DHX32: variants seen among roughly 807,000 people sequenced by gnomAD.
The protein encoded by DHX32 is DEAH-box helicase 32 (putative), also known as putative pre-mRNA-splicing factor ATP-dependent RNA helicase DHX32.
Under a neutral mutation model 70.0 loss-of-function variants are expected in DHX32, and 51 were observed. The ratio of observed to expected loss-of-function variants is 0.73; its 90% CI spans 0.58 to 0.92. DHX32 has a LOEUF of 0.92. Among genes scored for constraint, DHX32 ranks in the 40% least tolerant of loss-of-function variants. DHX32 has a pLI of 0.00. For synonymous variants in DHX32, 310 were observed against 315.3 expected (o/e 0.98, Z 0.18); for missense variants, 762 against 891.8 (o/e 0.85, Z 1.85).
chr10:125,836,701 ATC>A lies in DHX32; in HGVS notation c.2216_2217del (p.Arg739MetfsTer19). The A allele has an allele frequency of 6.2e-7, 1 of 1,614,078 alleles. No individual in the cohort carries two copies. The highest frequency in any genetic ancestry group is 1.6e-4 in the Middle Eastern group (1 of 6,062). ...MCETCPETEQ[R>X]CTLQ Reference sequence around the variant, plus strand: ...TTGCTGGGGAGTCACTGGAGAGTGCATCTCTGTTCAGTTTCAGGGCACGTCTC... The same window carrying A: ...TTGCTGGGGAGTCACTGGAGAGTGCATCTGTTCAGTTTCAGGGCACGTCTC... On this transcript the variant is annotated frameshift_variant, in exon 11 of 11. Transcript: ENST00000284690. LOFTEE classifies it high-confidence loss of function.
chr10:125,841,951 A>T lies in DHX32; in HGVS notation c.1352-17T>A. The stretch of plus-strand genomic sequence containing the variant: ...TTTCTGGTGCTAGGAAAGGAAAAAA[A>T]TAATAATTTAAGAGTCTCATATGGC... On this transcript the variant is annotated splice_polypyrimidine_tract_variant and intron_variant, in intron 6 of 10. Coordinates refer to ENST00000284690, the MANE Select transcript of DHX32 (RefSeq NM_018180.3). The T allele has an allele frequency of 6.4e-7, 1 of 1,571,332 alleles. No homozygotes were observed. The highest frequency in any genetic ancestry group is 8.6e-7 in the Non-Finnish European group (1 of 1,167,078).
At chr10:125,883,480 G>A (rs373976755), upstream of DHX32, among the ~76,000 whole-genome samples, 6 of 152,104 alleles carry the variant, frequency 3.9e-5, no homozygotes, top group Non-Finnish European at 5.9e-5. Context: ...CCAAGCCACC[G>A]GGAAGAGACC....
rs757004272 is a variant in DHX32 at position 125,866,288 on chromosome 10, T to TC, written c.476+701dup. Among the ~76,000 whole-genome samples the TC allele has an allele frequency of 2.0e-4, 30 of 152,380 alleles. No individual in the cohort carries two copies. Among genetic ancestry groups the TC allele is most frequent in the Admixed American group, 3.9e-4 (6 of 15,308 alleles). On this transcript the variant is annotated intron_variant, in intron 2 of 10. Transcript: ENST00000284690. This position sits in a 1 kb window ranked among gnomAD's most constrained non-coding sequence, Gnocchi z 4.8. ...TTTCCAGTTTCTTTTTCCTTTTTTT[T>TC]CTTCTTTCAAGCTCTTGGAAATCCT...
chr10:125,872,565 G>A (rs550118901), intron 1 of DHX32, among the ~76,000 whole-genome samples: 7 of 152,238 alleles, frequency 4.6e-5, no homozygotes, highest in Admixed American at 3.3e-4. Context: ...TTGGATTTAC[G>A]CATTTGGTCT....
intron 6 of DHX32, among the ~76,000 whole-genome samples, chr10:125,847,069 G>C (rs1382005508): frequency 6.6e-6 from 1 of 152,162 alleles, no homozygotes; most frequent in African/African-American, 2.4e-5. Context: ...GTTGGGACTT[G>C]GGCATTGTGT....
chr10:125,853,291 C>T, intron 4 of DHX32: 1 of 1,096,038 alleles, frequency 9.1e-7, no homozygotes, highest in Non-Finnish European at 1.3e-6. Context: ...AGGGATAAAA[C>T]ATCTCGGCAC....
chr10:125,867,628 T>C (rs963942984), intron 1 of DHX32, among the ~76,000 whole-genome samples: 4 of 150,674 alleles, frequency 2.7e-5, no homozygotes, highest in Non-Finnish European at 5.9e-5. Flanking sequence ...CTCAGCTACT[T>C]GGGAGGCTGA....
At chr10:125,857,401 G>A (rs1944155235) in intron 3 of DHX32, among the ~76,000 whole-genome samples, 2 of 152,206 alleles carry the variant, frequency 1.3e-5, no homozygotes, top group Admixed American at 6.5e-5. Context: ...AGGGCAGGTC[G>A]GCTGTTGAGC....
At chr10:125,851,386 A>G (rs1944087541) in intron 6 of DHX32, among the ~76,000 whole-genome samples, 1 of 152,192 alleles carries the variant, frequency 6.6e-6, no homozygotes, top group Non-Finnish European at 1.5e-5. Flanking sequence ...ACAGAGGGTG[A>G]CTATTGAGAG....
At chr10:125,863,794 T>A (rs1479715854) in intron 2 of DHX32, among the ~76,000 whole-genome samples, 1 of 152,166 alleles carries the variant, frequency 6.6e-6, no homozygotes, top group African/African-American at 2.4e-5. Context: ...AGCTATTCAA[T>A]CTGAGCTTAT....
At chr10:125,877,775 A>C (rs1944292730) in intron 1 of DHX32, among the ~76,000 whole-genome samples, 1 of 152,210 alleles carries the variant, frequency 6.6e-6, no homozygotes, top group African/African-American at 2.4e-5. Context: ...ATATTCTTTT[A>C]ACTCCAATTC....
At chr10:125,868,021 G>A (rs1295903632) in intron 1 of DHX32, among the ~76,000 whole-genome samples, 1 of 152,046 alleles carries the variant, frequency 6.6e-6, no homozygotes, top group Non-Finnish European at 1.5e-5. Context: ...GATAATAAAA[G>A]CTAAAATATC....
chr10:125,888,119 A>T (rs80296817), intron 1 of DHX32, among the ~76,000 whole-genome samples: 365 of 131,260 alleles, frequency 2.8e-3, no homozygotes, highest in African/African-American at 7.6e-3. Flanking sequence ...TTTATATGTA[A>T]AATATACACG....
At chr10:125,879,283 C>T (rs113135241) in intron 1 of DHX32, among the ~76,000 whole-genome samples, 5,479 of 152,004 alleles carry the variant, frequency 0.036, 315 homozygotes, top group African/African-American at 0.12. Flanking sequence ...CTCAGCCTCC[C>T]AAAGTGATGG....
In DHX32 at chr10:125,867,047, T is replaced by C. The variant is rs774570599; in HGVS notation, c.419A>G (p.His140Arg). Reference sequence around the variant, plus strand: ...GAAAGGGATCACGTAGCCAACCTCATGACCAATGTTAACATCCATTTCATC... The same window carrying C: ...GAAAGGGATCACGTAGCCAACCTCACGACCAATGTTAACATCCATTTCATC... ...VADEMDVNIG[H>R]EVGYVIPFEN... Residue 140 changes from histidine to arginine, a missense_variant, in exon 2 of 11, where the codon CAT (histidine) becomes CGT (arginine). Coordinates refer to ENST00000284690, the MANE Select transcript of DHX32 (RefSeq NM_018180.3). The C allele has an allele frequency of 5.6e-5, 90 of 1,614,112 alleles. No individual in the cohort carries two copies. The highest frequency in any genetic ancestry group is 7.1e-5 in the Non-Finnish European group (84 of 1,180,042).
At chr10:125,872,005 G>A (rs1944259081) in intron 1 of DHX32, among the ~76,000 whole-genome samples, 1 of 152,124 alleles carries the variant, frequency 6.6e-6, no homozygotes, top group South Asian at 2.1e-4. Context: ...TGGGATTACA[G>A]GCACGCACCA....
chr10:125,872,168 T>C (rs1944260047), intron 1 of DHX32, among the ~76,000 whole-genome samples: 1 of 152,074 alleles, frequency 6.6e-6, no homozygotes, highest in Non-Finnish European at 1.5e-5. Context: ...GGCCTAACTT[T>C]TCTGGGTACT....
intron 10 of DHX32, among the ~76,000 whole-genome samples, chr10:125,837,208 G>GT (rs1854719932): frequency 6.6e-6 from 1 of 152,180 alleles, no homozygotes; most frequent in Admixed American, 6.5e-5. Flanking sequence ...GAGAGAGGGG[G>GT]TATCTTTGCT....
At chr10:125,855,589 C>T (rs1361864538) in intron 3 of DHX32, among the ~76,000 whole-genome samples, 1 of 151,702 alleles carries the variant, frequency 6.6e-6, no homozygotes, top group Non-Finnish European at 1.5e-5. Flanking sequence ...GCTGGGACTA[C>T]AGGTGCCCAC....
Sources: gnomAD v4.1 joint callset for allele counts (sites outside exome capture counted in the v4.1 genomes callset) on GRCh38, gnomAD v4.1.1 for gene constraint, Gnocchi (gnomAD v3.1) non-coding constraint, MANE v1.5 for transcripts, NCBI Gene and HGNC (gene_info 2026-07-23, HGNC 2026-07-21) for gene names.